CAMTA1: variants seen among roughly 807,000 people sequenced by gnomAD.
CAMTA1 encodes the protein calmodulin-binding transcription activator 1.
Under a neutral mutation model 170.9 loss-of-function variants are expected in CAMTA1, and 27 were observed. The observed-to-expected ratio is 0.16, with a 90% CI of 0.12 to 0.22. The LOEUF (loss-of-function observed/expected upper bound fraction) is 0.22, where lower values mean the gene tolerates loss of function less well. CAMTA1 is among the 10% of genes least tolerant of loss of function. CAMTA1 has a pLI of 1.00. For missense variants in CAMTA1, 1,619 were observed against 2,217.2 expected (o/e 0.73, Z 5.42); for synonymous variants, 833 against 891.5 (o/e 0.93, Z 1.17).
chr1:6,859,621 T>C (rs369768767), intron 3 of CAMTA1, among the ~76,000 whole-genome samples: 37 of 152,080 alleles, frequency 2.4e-4, no homozygotes, highest in African/African-American at 8.0e-4. Flanking sequence ...AGACCTGGCT[T>C]TACACAAAAT....
intron 6 of CAMTA1, among the ~76,000 whole-genome samples, chr1:7,480,341 A>G (rs2093504862): frequency 7.1e-6 from 1 of 141,376 alleles, no homozygotes; most frequent in South Asian, 2.4e-4. Flanking sequence ...GTGCATGTAT[A>G]TGTGCATGTG....
At chr1:7,343,253 G>A (rs1358638497) in intron 5 of CAMTA1, among the ~76,000 whole-genome samples, 1 of 152,170 alleles carries the variant, frequency 6.6e-6, no homozygotes, top group Non-Finnish European at 1.5e-5. Context: ...GGTGTGGGAG[G>A]GGAAGGTTGC....
chr1:7,750,035 C>G (rs963118240), intron 19 of CAMTA1, among the ~76,000 whole-genome samples: 2 of 152,188 alleles, frequency 1.3e-5, no homozygotes, highest in African/African-American at 4.8e-5. Context: ...AAGCCAGTTC[C>G]TGTGAGCCCT....
chr1:7,107,048 G>GCCT (rs2148333474), intron 4 of CAMTA1, among the ~76,000 whole-genome samples: 1 of 152,150 alleles, frequency 6.6e-6, no homozygotes, highest in South Asian at 2.1e-4. Flanking sequence ...GGGAGAGGGG[G>GCCT]CCTCGAAATG....
chr1:7,441,131 T>C (rs12061103), intron 5 of CAMTA1: 2 of 152,208 alleles, frequency 1.3e-5, no homozygotes, highest in African/African-American at 2.4e-5. Context: ...AGATTTTTCC[T>C]TGTGGAGTTT....
At chr1:7,123,770 C>T (rs1294857049) in intron 4 of CAMTA1, among the ~76,000 whole-genome samples, 1 of 152,172 alleles carries the variant, frequency 6.6e-6, no homozygotes, top group Non-Finnish European at 1.5e-5. Context: ...CTCAATTCTC[C>T]TTTGTGGTAT....
chr1:7,059,784 G>T (rs1707927150), intron 3 of CAMTA1, among the ~76,000 whole-genome samples: 1 of 152,198 alleles, frequency 6.6e-6, no homozygotes, highest in Non-Finnish European at 1.5e-5. Context: ...AAATAGAATA[G>T]AAATGGTGGT....
rs375523503 is a variant in CAMTA1 at position 7,641,480 on chromosome 1, CG to C, written c.664+929del. ...CGGGGGGACTGAAATATTCTTTCTG[CG>C]GCTGGGAGGAAAGGTGAAGGTCCTG... On this transcript the variant is annotated intron_variant, in intron 7 of 22. Transcript: ENST00000303635. This position sits in a 1 kb window ranked among gnomAD's most constrained non-coding sequence, Gnocchi z 4.5. Among the ~76,000 whole-genome samples, 1 of 152,110 alleles carries C rather than the reference CG, an allele frequency of 6.6e-6. No homozygotes were observed. The highest frequency in any genetic ancestry group is 2.1e-4 in the South Asian group (1 of 4,814).
intron 3 of CAMTA1, among the ~76,000 whole-genome samples, chr1:7,020,194 C>CA (rs1432794232): frequency 1.3e-5 from 2 of 152,222 alleles, no homozygotes. Flanking sequence ...AAAATATATA[C>CA]AGTTATATGG....
At chr1:6,898,442 A>G (rs1676134525) in intron 3 of CAMTA1, among the ~76,000 whole-genome samples, 1 of 152,126 alleles carries the variant, frequency 6.6e-6, no homozygotes, top group Non-Finnish European at 1.5e-5. Context: ...AGTCCCAGCT[A>G]CTCGGGAGGC....
At chr1:7,358,498 T>C (rs1456381402) in intron 5 of CAMTA1, among the ~76,000 whole-genome samples, 1 of 152,092 alleles carries the variant, frequency 6.6e-6, no homozygotes, top group African/African-American at 2.4e-5. Flanking sequence ...GTGGGGCTGC[T>C]TCCGGTGCGG....
chr1:7,248,807 G>A lies in CAMTA1; in HGVS notation c.303-684G>A, dbSNP rs1666217942. On this transcript the variant is annotated intron_variant, in intron 4 of 22. Coordinates refer to ENST00000303635, the MANE Select transcript of CAMTA1 (RefSeq NM_015215.4). The surrounding 1 kb of genome is among the most constrained non-coding windows in gnomAD (Gnocchi z 4.0). ...ACTCTTAGCATTTAGGGAGCAAGCCGCTATTTCCCTGAGATGCTCTGGCTG... is the reference window on the plus strand; with the variant it reads ...ACTCTTAGCATTTAGGGAGCAAGCCACTATTTCCCTGAGATGCTCTGGCTG... 6.6e-6 allele frequency among the ~76,000 whole-genome samples: 1 copy of A among 152,112 alleles called. No homozygotes were observed. The highest frequency in any genetic ancestry group is 1.5e-5 in the Non-Finnish European group (1 of 68,032).
chr1:6,918,222 C>T lies in CAMTA1; in HGVS notation c.234+93012C>T, dbSNP rs191707760. 1.1e-4 allele frequency among the ~76,000 whole-genome samples: 16 copies of T among 152,166 alleles called. No individual in the cohort carries two copies. The South Asian group carries it at 1.9e-3, about 18-fold the overall frequency. On this transcript the variant is annotated intron_variant, in intron 3 of 22. Transcript: ENST00000303635. The surrounding 1 kb of genome is among the most constrained non-coding windows in gnomAD (Gnocchi z 4.0). Reference sequence around the variant, plus strand: ...GAAGACATATTGGAGGAGGAGAAACCTTTCACCCAGCCCTAAACCAGCTGC... The same window carrying T: ...GAAGACATATTGGAGGAGGAGAAACTTTTCACCCAGCCCTAAACCAGCTGC...
intron 6 of CAMTA1, among the ~76,000 whole-genome samples, chr1:7,506,343 C>A (rs906425197): frequency 6.6e-6 from 1 of 152,204 alleles, no homozygotes; most frequent in African/African-American, 2.4e-5. Context: ...GCCCCGGCCC[C>A]ACTCCCAGGG....
chr1:7,648,708 G>T (rs1307304356), intron 7 of CAMTA1, among the ~76,000 whole-genome samples: 6 of 152,198 alleles, frequency 3.9e-5, no homozygotes, highest in Admixed American at 6.5e-5. Flanking sequence ...ATCCACCAAG[G>T]TCCCAGAAAG....
intron 1 of CAMTA1, among the ~76,000 whole-genome samples, chr1:6,800,396 G>A (rs778986181): frequency 2.0e-5 from 3 of 152,012 alleles, no homozygotes; most frequent in Non-Finnish European, 2.9e-5. Context: ...GACAGAGTGA[G>A]ATCCTGTCTC....
chr1:7,595,935 G>C (rs546551709), intron 6 of CAMTA1, among the ~76,000 whole-genome samples: 1 of 152,174 alleles, frequency 6.6e-6, no homozygotes, highest in East Asian at 1.9e-4. Context: ...AGCCTCCCAA[G>C]CTTCCAGGAT....
chr1:7,324,669 G>A (rs770806199), intron 5 of CAMTA1, among the ~76,000 whole-genome samples: 5 of 152,074 alleles, frequency 3.3e-5, no homozygotes, highest in East Asian at 1.9e-4. Context: ...TTAGCCAGGC[G>A]TGGTGGCAGG....
chr1:7,527,796 A>G (rs1329922961), intron 6 of CAMTA1, among the ~76,000 whole-genome samples: 4 of 152,088 alleles, frequency 2.6e-5, no homozygotes, highest in Non-Finnish European at 2.9e-5. Context: ...GGAGCCCCAC[A>G]AGTGGCTGCG....
Sources: allele counts gnomAD v4.1 joint callset (sites outside exome capture counted in the v4.1 genomes callset), GRCh38; gene constraint gnomAD v4.1.1; non-coding constraint Gnocchi (gnomAD v3.1); transcripts MANE v1.5; gene names NCBI Gene and HGNC (gene_info 2026-07-23, HGNC 2026-07-21).